SPTBN1: variants seen among roughly 807,000 people sequenced by gnomAD.
SPTBN1 encodes the protein spectrin beta chain, non-erythrocytic 1.
A neutral mutation model predicts 266.4 loss-of-function variants in SPTBN1; 32 were observed. The observed-to-expected ratio is 0.12, with a 90% CI of 0.09 to 0.16. SPTBN1 has a LOEUF of 0.16. Ranked by LOEUF, SPTBN1 falls within the 10% of genes least tolerant of loss-of-function variation. The pLI, the probability that SPTBN1 is intolerant of heterozygous loss-of-function variation, is 1.00. For synonymous variants in SPTBN1, 1,336 were observed against 1,162.2 expected (o/e 1.15, Z -3.04); for missense variants, 2,296 against 3,067.1 (o/e 0.75, Z 5.94).
chr2:54,523,718 G>A (rs1054399542), intron 1 of SPTBN1, among the ~76,000 whole-genome samples: 2 of 152,122 alleles, frequency 1.3e-5, no homozygotes, highest in African/African-American at 4.8e-5. Flanking sequence ...CATATGTGAG[G>A]GGGAAGAATC....
In SPTBN1 at chr2:54,652,461, A is replaced by C. The variant is rs986834884; in HGVS notation, c.5578-1148A>C. ...TGCACAGGAGTCTCCTGCTGGATGC[A>C]CCATCATTAATTTAACCAGTCCTTC... On this transcript the variant is annotated intron_variant, in intron 26 of 35. Coordinates refer to ENST00000356805, the MANE Select transcript of SPTBN1 (RefSeq NM_003128.3). 3 of 152,150 alleles carry C rather than the reference A, an allele frequency of 2.0e-5. No homozygotes were observed. In the East Asian group the frequency reaches 5.8e-4, roughly 29 times the overall value. The allele number at this position is 152,150 out of a possible 1,614,324, so 9.4% of individuals were successfully genotyped here.
chr2:54,527,483 G>A (rs538746062), intron 2 of SPTBN1: 1 of 152,292 alleles, frequency 6.6e-6, no homozygotes, highest in East Asian at 1.9e-4. Flanking sequence ...CATCTTGATT[G>A]TGGACAAAGG....
At chr2:54,621,048 G>A (rs1677960379) in intron 7 of SPTBN1, among the ~76,000 whole-genome samples, 1 of 152,132 alleles carries the variant, frequency 6.6e-6, no homozygotes, top group Non-Finnish European at 1.5e-5. Context: ...GCTGGATACT[G>A]GTAACAAAGA....
intron 1 of SPTBN1, among the ~76,000 whole-genome samples, chr2:54,488,273 G>A (rs1668510632): frequency 6.6e-6 from 1 of 152,086 alleles, no homozygotes; most frequent in Admixed American, 6.5e-5. Flanking sequence ...AGGAAACTGA[G>A]GACTAGGGCG....
rs1680126887 is a variant in SPTBN1 at position 54,649,474 on chromosome 2, T to C, written c.5203-141T>C. 7.5e-7 allele frequency: 1 copy of C among 1,340,680 alleles called. No individual in the cohort carries two copies. The highest frequency in any genetic ancestry group is 1.5e-5 in the African/African-American group (1 of 67,596). 83.0% of individuals were successfully genotyped at this position (1,340,680 alleles called of 1,614,324 possible). On this transcript the variant is annotated intron_variant, in intron 25 of 35. Transcript: ENST00000356805. This position sits in a 1 kb window ranked among gnomAD's most constrained non-coding sequence, Gnocchi z 6.7. ...CCCAGTTGCTAAGAGGTTCTCGAGC[T>C]AAGATCTATTGTTCTGAAGTCATGA...
At chr2:54,573,430 A>C (rs1197924969) in intron 2 of SPTBN1, among the ~76,000 whole-genome samples, 1 of 152,160 alleles carries the variant, frequency 6.6e-6, no homozygotes, top group Non-Finnish European at 1.5e-5. Context: ...TGCTGATCTG[A>C]CAGGAGGCAG....
chr2:54,588,149 G>C (rs962008954), intron 2 of SPTBN1, among the ~76,000 whole-genome samples: 1 of 152,024 alleles, frequency 6.6e-6, no homozygotes, highest in African/African-American at 2.4e-5. Flanking sequence ...TAGGCTTTGT[G>C]GGCCACATGG....
chr2:54,646,286 C>T lies in SPTBN1; in HGVS notation c.4677C>T (p.Ser1559=), dbSNP rs759931905. 3.7e-6 allele frequency: 6 copies of T among 1,614,080 alleles called. No individual in the cohort carries two copies. In the Admixed American group the frequency reaches 5.0e-5, roughly 13 times the overall value. The change falls in exon 23 of 36, where the codon AGC becomes AGT. Residue 1559 remains serine (S), a synonymous_variant. Transcript: ENST00000356805. This position sits in a 1 kb window ranked among gnomAD's most constrained non-coding sequence, Gnocchi z 4.4. ...TCGTCACTGACAGCAGCAGCCTCAG[C>T]GCTGAGGCCATCAGACAGAGGCTTG... The part of the protein sequence containing the change: ...QNIVTDSSSL[S]AEAIRQRLAD...
At chr2:54,483,481 C>T (rs1668199466) in intron 1 of SPTBN1, among the ~76,000 whole-genome samples, 2 of 152,220 alleles carry the variant, frequency 1.3e-5, no homozygotes, top group South Asian at 2.1e-4. Context: ...GTTCCTCCTG[C>T]AGGCGTGAGA....
intron 2 of SPTBN1, among the ~76,000 whole-genome samples, chr2:54,551,336 C>T (rs906343160): frequency 1.8e-4 from 27 of 152,268 alleles, no homozygotes; most frequent in African/African-American, 6.0e-4. Context: ...ACTCTACCTG[C>T]AACAGAGGAG....
Position 54,649,817 on chromosome 2 carries a change from C to G in SPTBN1, c.5405C>G (p.Ala1802Gly). The G allele has an allele frequency of 1.2e-6, 2 of 1,614,214 alleles. No individual in the cohort carries two copies. The highest frequency in any genetic ancestry group is 1.1e-5 in the South Asian group (1 of 91,082). ...ELIDTRTQIL[A>G]ASYELHKFYH... is the part of the protein sequence containing the mutation. ...ATTGACACAAGAACACAGATTCTTG[C>G]CGCTTCCTATGAACTGCACAAGTTT... Residue 1802 changes from alanine to glycine, a missense_variant, in exon 26 of 36, where the codon GCC becomes GGC. Around this residue, in one of 12 missense-constraint regions of SPTBN1, gnomAD observed 644 missense variants for 745.3 expected, o/e 0.86. Transcript: ENST00000356805. The surrounding 1 kb of genome is among the most constrained non-coding windows in gnomAD (Gnocchi z 6.7).
intron 2 of SPTBN1, chr2:54,557,749 T>A: frequency 2.0e-6 from 2 of 985,402 alleles, no homozygotes; most frequent in Non-Finnish European, 2.4e-6. Flanking sequence ...CATAGGCCCG[T>A]GTTATTCCAG....
intron 16 of SPTBN1, 49 bp downstream of exon 16, chr2:54,631,660 C>T (rs774694899): frequency 7.7e-6 from 12 of 1,566,800 alleles, no homozygotes; most frequent in Admixed American, 3.5e-5. Context: ...GCAGCCCTGG[C>T]TGCCTTTTGA....
Position 54,653,894 on chromosome 2 carries a change from T to A in SPTBN1, c.5822+41T>A. On this transcript the variant is annotated intron_variant, in intron 27 of 35. Coordinates refer to ENST00000356805, the MANE Select transcript of SPTBN1 (RefSeq NM_003128.3). This position sits in a 1 kb window ranked among gnomAD's most constrained non-coding sequence, Gnocchi z 5.1. ...CAAAGGAAATTGGACTTATTGGCGCTTGGTTAAAACACAGGAGTCTTCCAG... is the reference window on the plus strand; with the variant it reads ...CAAAGGAAATTGGACTTATTGGCGCATGGTTAAAACACAGGAGTCTTCCAG... The A allele has an allele frequency of 6.3e-7, 1 of 1,594,656 alleles. No individual in the cohort carries two copies. Among genetic ancestry groups the A allele is most frequent in the Non-Finnish European group, 8.5e-7 (1 of 1,175,296 alleles).
intron 2 of SPTBN1, among the ~76,000 whole-genome samples, chr2:54,532,649 A>T (rs1302690068): frequency 6.6e-6 from 1 of 152,206 alleles, no homozygotes; most frequent in Non-Finnish European, 1.5e-5. Flanking sequence ...TCTGTAAATG[A>T]TTGCTTGCAT....
rs564057716 is a variant in SPTBN1 at position 54,645,530 on chromosome 2, C to T, written c.4494+77C>T. 5 of 1,476,452 alleles carry T rather than the reference C, an allele frequency of 3.4e-6. No homozygotes were observed. The highest frequency in any genetic ancestry group is 1.9e-5 in the Admixed American group (1 of 51,802). The allele number at this position is 1,476,452 out of a possible 1,614,324, so 91.5% of individuals were successfully genotyped here. On this transcript the variant is annotated intron_variant, in intron 21 of 35. Coordinates refer to ENST00000356805, the MANE Select transcript of SPTBN1 (RefSeq NM_003128.3). The surrounding 1 kb of genome is among the most constrained non-coding windows in gnomAD (Gnocchi z 4.3). ...TGCTAAAGCCCACATTCTCACTTCT[C>T]AGTCATCCTCACCTTGGGCCACGTT...
At chr2:54,600,089 G>T (rs961268968) in intron 3 of SPTBN1, among the ~76,000 whole-genome samples, 1 of 152,196 alleles carries the variant, frequency 6.6e-6, no homozygotes, top group African/African-American at 2.4e-5. Flanking sequence ...CAGTTGGCAG[G>T]GCTGCCAGAA....
At chr2:54,614,730 G>A (rs184094693) in intron 4 of SPTBN1, among the ~76,000 whole-genome samples, 62 of 150,744 alleles carry the variant, frequency 4.1e-4, no homozygotes, top group Non-Finnish European at 1.2e-4. Flanking sequence ...TTGAATATGG[G>A]AGGCGGAGAT....
intron 2 of SPTBN1, among the ~76,000 whole-genome samples, chr2:54,530,029 A>G (rs1200722577): frequency 6.6e-6 from 1 of 152,076 alleles, no homozygotes; most frequent in East Asian, 1.9e-4. Context: ...CTGAACATGC[A>G]TGTTCTAAAG....
Sources: allele counts gnomAD v4.1 joint callset (sites outside exome capture counted in the v4.1 genomes callset), GRCh38; gene constraint gnomAD v4.1.1; regional missense constraint gnomAD v4.1.1; non-coding constraint Gnocchi (gnomAD v3.1); transcripts MANE v1.5; gene names NCBI Gene and HGNC (gene_info 2026-07-23, HGNC 2026-07-21).